NAV3: variants seen among roughly 807,000 people sequenced by gnomAD.
NAV3 encodes the protein pore membrane and/or filament interacting like protein 1.
Under a neutral mutation model 244.7 loss-of-function variants are expected in NAV3, and 87 were observed. The ratio of observed to expected loss-of-function variants is 0.36; its 90% confidence interval spans 0.30 to 0.42. The LOEUF (loss-of-function observed/expected upper bound fraction) is 0.42, where lower values mean the gene tolerates loss of function less well. Ranked by LOEUF, NAV3 falls within the 20% of genes least tolerant of loss-of-function variation. The pLI is 1.00. For synonymous variants in NAV3, 1,126 were observed against 1,042.2 expected (o/e 1.08, Z -1.55); for missense variants, 2,663 against 2,893.3 (o/e 0.92, Z 1.83).
At chr12:77,939,859 A>G (rs1889694542) in intron 1 of NAV3, among the ~76,000 whole-genome samples, 2 of 152,170 alleles carry the variant, frequency 1.3e-5, no homozygotes, top group African/African-American at 4.8e-5. Context: ...TGATGCCAAA[A>G]TCTTGTCACA....
At chr12:78,122,473 T>G in intron 16 of NAV3, 45 bp downstream of exon 16, 11 of 1,521,098 alleles carry the variant, frequency 7.2e-6, no homozygotes, top group Non-Finnish European at 9.6e-6. Context: ...CCCTCTTCCC[T>G]GCACTATGCC....
At chr12:78,137,067 A>T in intron 18 of NAV3, 110 bp from the exon 19 acceptor site, 2 of 990,736 alleles carry the variant, frequency 2.0e-6, no homozygotes, top group Non-Finnish European at 2.9e-6. Flanking sequence ...GGGACTCACT[A>T]TACATTCATG....
chr12:77,903,896 G>T (rs2136955115), intron 1 of NAV3, among the ~76,000 whole-genome samples: 1 of 152,270 alleles, frequency 6.6e-6, no homozygotes, highest in Non-Finnish European at 1.5e-5. Flanking sequence ...ATGAAAAAAT[G>T]CTCATCATCA....
intron 28 of NAV3, among the ~76,000 whole-genome samples, chr12:78,178,246 G>A (rs913282081): frequency 4.1e-5 from 6 of 147,474 alleles, no homozygotes; most frequent in African/African-American, 1.5e-4. Flanking sequence ...TGCAACCTCT[G>A]CCTCATGGGT....
chr12:78,058,763 A>C (rs2137400073), intron 11 of NAV3, among the ~76,000 whole-genome samples: 1 of 152,276 alleles, frequency 6.6e-6, no homozygotes, highest in East Asian at 1.9e-4. Context: ...TGTCGCAGTA[A>C]CTACTACTAG....
chr12:77,620,467 ATT>A (rs531358629), intron 2 of NAV3, among the ~76,000 whole-genome samples: 1 of 145,652 alleles, frequency 6.9e-6, no homozygotes, highest in Non-Finnish European at 1.5e-5. Context: ...TGATTTGAAC[ATT>A]TTTTTTTTTT....
chr12:77,873,742 G>GTATATATATA (rs1294527901), intron 1 of NAV3, among the ~76,000 whole-genome samples: 13 of 57,972 alleles, frequency 2.2e-4, no homozygotes, highest in Admixed American at 4.9e-4. Flanking sequence ...ATATGTGTGT[G>GTATATATATA]TGTATATATA....
At chr12:77,645,511 G>A (rs1872571632) in intron 2 of NAV3, among the ~76,000 whole-genome samples, 1 of 124,928 alleles carries the variant, frequency 8.0e-6, no homozygotes, top group Admixed American at 9.1e-5. Flanking sequence ...CTTTCTTGGG[G>A]AATTCATGGA....
intron 12 of NAV3, among the ~76,000 whole-genome samples, chr12:78,070,950 C>T (rs1346299797): frequency 6.8e-6 from 1 of 146,224 alleles, no homozygotes; most frequent in African/African-American, 2.5e-5. Flanking sequence ...TCCAGTCTAT[C>T]ATTGTTGGAC....
intron 20 of NAV3, among the ~76,000 whole-genome samples, chr12:78,143,928 A>C (rs1408559593): frequency 1.3e-5 from 2 of 152,080 alleles, no homozygotes; most frequent in Non-Finnish European, 2.9e-5. Context: ...GCTAGTTTTC[A>C]TTGTGCTGTT....
intron 12 of NAV3, among the ~76,000 whole-genome samples, chr12:78,063,903 T>G (rs1037390999): frequency 3.3e-5 from 5 of 152,154 alleles, no homozygotes; most frequent in African/African-American, 9.7e-5. Context: ...GGGGCCATAC[T>G]AGGGTGTTTG....
At chr12:77,938,477 ATG>A (rs1889545072) in intron 1 of NAV3, among the ~76,000 whole-genome samples, 2 of 152,168 alleles carry the variant, frequency 1.3e-5, no homozygotes, top group African/African-American at 4.8e-5. Context: ...TTCTTATGCA[ATG>A]GGATGCTTCC....
intron 3 of NAV3, among the ~76,000 whole-genome samples, chr12:77,964,777 T>G (rs982119262): frequency 4.6e-5 from 7 of 151,862 alleles, no homozygotes; most frequent in African/African-American, 1.7e-4. Context: ...TCAGTAAAAC[T>G]TACTTTGAAG....
chr12:77,933,287 G>C (rs572432233), intron 1 of NAV3, among the ~76,000 whole-genome samples: 24 of 152,232 alleles, frequency 1.6e-4, no homozygotes, highest in Middle Eastern at 6.8e-3. Context: ...GAGTGATTGG[G>C]TGAGAGATGA....
intron 9 of NAV3, among the ~76,000 whole-genome samples, chr12:78,035,566 G>A (rs1264324862): frequency 2.6e-5 from 4 of 152,062 alleles, no homozygotes; most frequent in Non-Finnish European, 5.9e-5. Flanking sequence ...ATAGGCTTAT[G>A]AAATAGACCT....
chr12:78,062,521 T>A lies in NAV3; in HGVS notation c.2636+3406T>A, dbSNP rs550565997. Among the ~76,000 whole-genome samples the A allele has an allele frequency of 3.3e-5, 5 of 152,246 alleles. No homozygotes were observed. The East Asian group carries it at 5.8e-4, about 18-fold the overall frequency. On this transcript the variant is annotated intron_variant, in intron 12 of 39. Transcript: ENST00000397909. Reference sequence around the variant, plus strand: ...CAAAGGTACAGAGAAGTCTTAAAGTTCAAAGTAACATCTGCTTAATTGTAT... The same window carrying A: ...CAAAGGTACAGAGAAGTCTTAAAGTACAAAGTAACATCTGCTTAATTGTAT...
At chr12:77,958,420 G>T (rs1179808371) in intron 3 of NAV3, among the ~76,000 whole-genome samples, 1 of 152,142 alleles carries the variant, frequency 6.6e-6, no homozygotes, top group Non-Finnish European at 1.5e-5. Context: ...TGAAACAATG[G>T]TAGTGTTACA....
chr12:77,629,477 G>A (rs1297020901), intron 2 of NAV3, among the ~76,000 whole-genome samples: 1 of 152,136 alleles, frequency 6.6e-6, no homozygotes, highest in Non-Finnish European at 1.5e-5. Context: ...TATTTAATCT[G>A]CATTGTGATT....
At chr12:77,593,418 G>C (rs11105827) in intron 2 of NAV3, among the ~76,000 whole-genome samples, 2 of 150,966 alleles carry the variant, frequency 1.3e-5, no homozygotes. Context: ...AGCCAAAGTG[G>C]TGTTCTCCCT....
Sources: allele counts gnomAD v4.1 joint callset (sites outside exome capture counted in the v4.1 genomes callset), GRCh38; gene constraint gnomAD v4.1.1; transcripts MANE v1.5; gene names NCBI Gene and HGNC (gene_info 2026-07-23, HGNC 2026-07-21).